CADM2: variants seen among roughly 807,000 people sequenced by gnomAD.
CADM2 encodes the protein cell adhesion molecule 2, also known as immunoglobulin superfamily member 4D.
In CADM2, 12 loss-of-function variants were observed where a neutral mutation model predicts 49.8. The ratio of observed to expected loss-of-function variants is 0.24; its 90% CI spans 0.15 to 0.39. The LOEUF is 0.39. Ranked by LOEUF, CADM2 falls within the 10% of genes least tolerant of loss-of-function variation. The pLI, the probability that CADM2 is intolerant of heterozygous loss-of-function variation, is 1.00. For missense variants in CADM2, 378 were observed against 492.3 expected (o/e 0.77, Z 2.20); for synonymous variants, 214 against 175.4 (o/e 1.22, Z -1.74).
intron 7 of CADM2, among the ~76,000 whole-genome samples, chr3:85,953,946 G>A (rs1723748616): frequency 6.6e-6 from 1 of 150,824 alleles, no homozygotes; most frequent in African/African-American, 2.4e-5. Context: ...ACAATAAATA[G>A]TTCTGAAGTT....
chr3:85,131,460 C>A (rs542389261), intron 1 of CADM2, among the ~76,000 whole-genome samples: 5 of 152,228 alleles, frequency 3.3e-5, no homozygotes, highest in Admixed American at 2.6e-4. Flanking sequence ...CATAATAAAC[C>A]TCATTGACTT....
chr3:85,763,878 C>G (rs1308432201), intron 2 of CADM2, among the ~76,000 whole-genome samples: 2 of 152,082 alleles, frequency 1.3e-5, no homozygotes, highest in Non-Finnish European at 1.5e-5. Flanking sequence ...TATTGCCTGG[C>G]AGTCTTACCA....
At chr3:85,929,060 G>A (rs1490137982) in intron 6 of CADM2, among the ~76,000 whole-genome samples, 12 of 152,034 alleles carry the variant, frequency 7.9e-5, no homozygotes, top group African/African-American at 4.8e-5. Context: ...AATAGCAGTC[G>A]TATTAATGCA....
chr3:85,984,957 G>A (rs1398876629), intron 8 of CADM2, among the ~76,000 whole-genome samples: 1 of 151,834 alleles, frequency 6.6e-6, no homozygotes, highest in Non-Finnish European at 1.5e-5. Context: ...GGAAAAAAAA[G>A]GATTTTTTTA....
chr3:85,908,960 G>A (rs887035454), intron 5 of CADM2, among the ~76,000 whole-genome samples: 23 of 152,100 alleles, frequency 1.5e-4, no homozygotes, highest in Admixed American at 2.6e-4. Flanking sequence ...TCCTGACCTC[G>A]TGATCCTCCC....
intron 1 of CADM2, among the ~76,000 whole-genome samples, chr3:85,170,316 G>A (rs1164222964): frequency 6.6e-5 from 10 of 151,608 alleles, no homozygotes; most frequent in Admixed American, 6.6e-4. Flanking sequence ...TGAATATGAT[G>A]CTAGATTGGT....
intron 6 of CADM2, among the ~76,000 whole-genome samples, chr3:85,933,064 G>A (rs906952800): frequency 3.3e-5 from 5 of 152,182 alleles, no homozygotes; most frequent in South Asian, 4.1e-4. Flanking sequence ...CACATTGTGC[G>A]TTCCTCTTTT....
chr3:85,811,209 C>T (rs2072852689), intron 3 of CADM2, among the ~76,000 whole-genome samples: 1 of 152,074 alleles, frequency 6.6e-6, no homozygotes, highest in Non-Finnish European at 1.5e-5. Flanking sequence ...ATACTTTCTG[C>T]AATGTTTTTT....
At chr3:84,975,811 T>A (rs1215537673) in intron 1 of CADM2, among the ~76,000 whole-genome samples, 1 of 151,824 alleles carries the variant, frequency 6.6e-6, no homozygotes, top group African/African-American at 2.4e-5. Flanking sequence ...AGAGAGATAA[T>A]CTCTGAGATG....
intron 1 of CADM2, among the ~76,000 whole-genome samples, chr3:85,420,363 T>C (rs2036113202): frequency 1.3e-5 from 2 of 152,238 alleles, no homozygotes; most frequent in Admixed American, 1.3e-4. Context: ...ATGTTATATT[T>C]AGTTCTACCT....
intron 1 of CADM2, among the ~76,000 whole-genome samples, chr3:85,177,843 A>C (rs776910332): frequency 6.6e-6 from 1 of 151,950 alleles, no homozygotes; most frequent in Non-Finnish European, 1.5e-5. Context: ...TGTCACATGA[A>C]ATTTTAATCT....
rs944123109 is a variant in CADM2, at chr3:85,149,501, C to T, written c.61+189833C>T. Among the ~76,000 whole-genome samples, 14 of 152,130 alleles carry T rather than the reference C, an allele frequency of 9.2e-5. No homozygotes were observed. The South Asian group carries it at 2.1e-3, about 23-fold the overall frequency. On this transcript the variant is annotated intron_variant, in intron 1 of 9. Coordinates refer to ENST00000383699, the MANE Select transcript of CADM2 (RefSeq NM_001167675.2). Reference sequence around the variant, plus strand: ...CAGCACTTTGGGAGGCTGAGGCAGGCGGATCATGAGGTCTGGAGATCGAGA... The same window carrying T: ...CAGCACTTTGGGAGGCTGAGGCAGGTGGATCATGAGGTCTGGAGATCGAGA...
At chr3:85,112,154 A>G (rs1297425372) in intron 1 of CADM2, among the ~76,000 whole-genome samples, 4 of 151,942 alleles carry the variant, frequency 2.6e-5, no homozygotes, top group Non-Finnish European at 5.9e-5. Context: ...CTCTTGCAGC[A>G]TAGAGTGATA....
At chr3:85,531,426 T>A (rs530832853) in intron 1 of CADM2, among the ~76,000 whole-genome samples, 3 of 152,318 alleles carry the variant, frequency 2.0e-5, no homozygotes, top group South Asian at 4.1e-4. Context: ...GTCTGTAGTC[T>A]GGGGATGACT....
At chr3:85,618,451 A>G (rs2063864666) in intron 1 of CADM2, among the ~76,000 whole-genome samples, 1 of 152,160 alleles carries the variant, frequency 6.6e-6, no homozygotes, top group African/African-American at 2.4e-5. Context: ...TTGTTTTCGC[A>G]TATCTAACAA....
intron 5 of CADM2, among the ~76,000 whole-genome samples, chr3:85,893,940 G>A (rs965131484): frequency 2.0e-5 from 3 of 152,230 alleles, no homozygotes; most frequent in Non-Finnish European, 2.9e-5. Flanking sequence ...TCAGTGTGGC[G>A]ATTCCTCAGG....
At chr3:85,588,365 G>A (rs1482258451) in intron 1 of CADM2, among the ~76,000 whole-genome samples, 1 of 151,952 alleles carries the variant, frequency 6.6e-6, no homozygotes, top group East Asian at 1.9e-4. Context: ...CTAGTTGATT[G>A]GAGGGAAAAT....
At chr3:85,224,789 G>A (rs1398792792) in intron 1 of CADM2, among the ~76,000 whole-genome samples, 1 of 152,166 alleles carries the variant, frequency 6.6e-6, no homozygotes, top group Non-Finnish European at 1.5e-5. Flanking sequence ...TAAGGTGTAA[G>A]GAAGGGATCC....
intron 1 of CADM2, among the ~76,000 whole-genome samples, chr3:85,275,617 T>A (rs2043339155): frequency 6.6e-6 from 1 of 151,284 alleles, no homozygotes; most frequent in South Asian, 2.1e-4. Flanking sequence ...TACATGCATT[T>A]TTTCCATTGA....
Sources: allele counts gnomAD v4.1 joint callset (sites outside exome capture counted in the v4.1 genomes callset), GRCh38; gene constraint gnomAD v4.1.1; transcripts MANE v1.5; gene names NCBI Gene and HGNC (gene_info 2026-07-23, HGNC 2026-07-21).